The following ADAMTSL3 variants were observed in gnomAD, a reference collection of about 807,000 sequenced individuals.
ADAMTSL3 encodes ADAMTS-like protein 3.
Under a neutral mutation model 201.7 loss-of-function variants are expected in ADAMTSL3, and 128 were observed. The ratio of observed to expected loss-of-function variants is 0.63; its 90% confidence interval spans 0.55 to 0.73. The LOEUF (loss-of-function observed/expected upper bound fraction) is 0.73, where lower values mean the gene tolerates loss of function less well. Among genes scored for constraint, ADAMTSL3 ranks in the 30% least tolerant of loss-of-function variants. ADAMTSL3 has a pLI of 0.00. For missense variants in ADAMTSL3, 1,990 were observed against 2,119.6 expected, an observed-to-expected ratio of 0.94 and a Z score of 1.20; for synonymous variants, 738 against 748.4, an observed-to-expected ratio of 0.99 and a Z score of 0.23.
chr15:83,744,064 C>G (rs754614901), intron 3 of ADAMTSL3, among the ~76,000 whole-genome samples: 1 of 152,042 alleles, frequency 6.6e-6, no homozygotes, highest in Non-Finnish European at 1.5e-5. Context: ...GCTAGCCAGG[C>G]TGGTCTCGAT....
At chr15:83,793,297 G>T (rs577887011) in intron 4 of ADAMTSL3, among the ~76,000 whole-genome samples, 6 of 152,278 alleles carry the variant, frequency 3.9e-5, no homozygotes, top group African/African-American at 1.2e-4. Context: ...TTAATATATT[G>T]TATTATTGAA....
intron 4 of ADAMTSL3, among the ~76,000 whole-genome samples, chr15:83,776,579 T>C (rs2063078000): frequency 6.6e-6 from 1 of 152,102 alleles, no homozygotes; most frequent in Non-Finnish European, 1.5e-5. Context: ...TAGCTGGGCA[T>C]GGTGGCACAT....
At position 83,989,129 on chromosome 15, in the gene ADAMTSL3, G is replaced by T. The variant is rs564913309; in HGVS notation, c.3844+311G>T. ...GATCTCCTGACCTCGTGATCCACCC[G>T]CCTTGGCCTCCCAGAGTGCTGGGAT... On this transcript the variant is annotated intron_variant, in intron 22 of 29. Coordinates refer to ENST00000286744, the MANE Select transcript of ADAMTSL3 (RefSeq NM_207517.3). 1.4e-3 allele frequency among the ~76,000 whole-genome samples: 214 copies of T among 152,214 alleles called. 2 individuals carry two copies. In the South Asian group the frequency reaches 0.014, roughly 10 times the overall value.
chr15:83,975,223 T>C (rs369650676), intron 20 of ADAMTSL3, among the ~76,000 whole-genome samples: 1,588 of 151,840 alleles, frequency 0.01, 10 homozygotes, highest in Non-Finnish European at 0.016. Context: ...AGGATGGTCT[T>C]GATCTCCTGA....
intron 8 of ADAMTSL3, among the ~76,000 whole-genome samples, chr15:83,864,185 C>G: frequency 6.6e-6 from 1 of 152,158 alleles, no homozygotes; most frequent in Non-Finnish European, 1.5e-5. Flanking sequence ...ACCAGAAGTA[C>G]AAGGAGGAGC....
intron 3 of ADAMTSL3, among the ~76,000 whole-genome samples, chr15:83,719,152 C>T (rs535598782): frequency 2.0e-5 from 3 of 152,146 alleles, no homozygotes; most frequent in South Asian, 2.1e-4. Context: ...TGGTGCTTCT[C>T]GACCTCCCGA....
At chr15:83,846,931 A>G (rs964236721) in intron 7 of ADAMTSL3, among the ~76,000 whole-genome samples, 8 of 152,242 alleles carry the variant, frequency 5.3e-5, no homozygotes, top group African/African-American at 1.9e-4. Flanking sequence ...CATCTCCTGC[A>G]TGCTGTTCCA....
At chr15:83,795,641 G>T (rs58836704) in intron 4 of ADAMTSL3, among the ~76,000 whole-genome samples, 34 of 152,104 alleles carry the variant, frequency 2.2e-4, no homozygotes, top group Admixed American at 1.1e-3. Context: ...AAAATTCCAC[G>T]TTGGAACAGT....
At chr15:83,811,375 C>T (rs900188335) in intron 5 of ADAMTSL3, among the ~76,000 whole-genome samples, 1 of 152,178 alleles carries the variant, frequency 6.6e-6, no homozygotes, top group Non-Finnish European at 1.5e-5. Flanking sequence ...TCATTTTAAA[C>T]CCCAGATCAA....
chr15:84,012,318 A>T (rs1308070587), intron 23 of ADAMTSL3, among the ~76,000 whole-genome samples: 2 of 152,184 alleles, frequency 1.3e-5, no homozygotes, highest in Admixed American at 6.5e-5. Flanking sequence ...TCTGCTTCCA[A>T]GCTTCTTCAG....
intron 5 of ADAMTSL3, among the ~76,000 whole-genome samples, chr15:83,812,041 C>A (rs921718835): frequency 6.6e-6 from 1 of 152,120 alleles, no homozygotes; most frequent in African/African-American, 2.4e-5. Flanking sequence ...CAAGTATATT[C>A]CTGAATATAC....
intron 5 of ADAMTSL3, among the ~76,000 whole-genome samples, chr15:83,814,833 G>A (rs545834265): frequency 6.6e-6 from 1 of 152,254 alleles, no homozygotes; most frequent in African/African-American, 2.4e-5. Context: ...TGAAAGCTTG[G>A]TCCAGTCCTA....
At chr15:83,757,876 A>G (rs2062746232) in intron 3 of ADAMTSL3, among the ~76,000 whole-genome samples, 1 of 152,178 alleles carries the variant, frequency 6.6e-6, no homozygotes, top group African/African-American at 2.4e-5. Context: ...CAGGTACAAA[A>G]TGATGCCAGT....
At chr15:83,711,286 G>A (rs962690670) in intron 3 of ADAMTSL3, among the ~76,000 whole-genome samples, 3 of 152,262 alleles carry the variant, frequency 2.0e-5, no homozygotes, top group Non-Finnish European at 2.9e-5. Flanking sequence ...ATCACTTGAC[G>A]TTTCCAAGTT....
chr15:83,992,779 G>A (rs1235659695), intron 23 of ADAMTSL3, among the ~76,000 whole-genome samples: 1 of 152,216 alleles, frequency 6.6e-6, no homozygotes, highest in Non-Finnish European at 1.5e-5. Flanking sequence ...AACTCATCTA[G>A]TTTTATTCTC....
At chr15:83,784,294 A>G (rs979228507) in intron 4 of ADAMTSL3, among the ~76,000 whole-genome samples, 1 of 152,122 alleles carries the variant, frequency 6.6e-6, no homozygotes, top group African/African-American at 2.4e-5. Context: ...GGAATTGGCT[A>G]TATCATCTGC....
intron 4 of ADAMTSL3, among the ~76,000 whole-genome samples, chr15:83,786,476 G>A (rs1016285052): frequency 6.6e-6 from 1 of 151,706 alleles, no homozygotes; most frequent in African/African-American, 2.4e-5. Context: ...ACTCTTTTAG[G>A]TATTTTAAAA....
intron 16 of ADAMTSL3, among the ~76,000 whole-genome samples, chr15:83,921,526 T>C (rs943058373): frequency 1.3e-5 from 2 of 152,224 alleles, no homozygotes; most frequent in Admixed American, 6.5e-5. Context: ...GTGTGTGTTA[T>C]GTTATTTGAC....
At chr15:83,862,962 T>G (rs2064898286) in intron 8 of ADAMTSL3, 1 of 151,988 alleles carries the variant, frequency 6.6e-6, no homozygotes, top group Admixed American at 6.6e-5. Context: ...AAGGCAGGGG[T>G]TGCAATCCTA....
Sources: allele counts gnomAD v4.1 joint callset (sites outside exome capture counted in the v4.1 genomes callset), GRCh38; gene constraint gnomAD v4.1.1; transcripts MANE v1.5; gene names NCBI Gene and HGNC (gene_info 2026-07-23, HGNC 2026-07-21).